The following POLR2B variants were observed in gnomAD, a reference collection of about 807,000 sequenced individuals.
The protein encoded by POLR2B is DNA-directed RNA polymerase II subunit RPB2.
POLR2B carries 57 observed loss-of-function variants against 144.6 expected under a neutral mutation model. The observed-to-expected ratio is 0.39, with a 90% CI of 0.32 to 0.49. The LOEUF is 0.49. Among genes scored for constraint, POLR2B ranks in the 20% least tolerant of loss-of-function variants. The pLI, the probability that POLR2B is intolerant of heterozygous loss-of-function variation, is 0.83. For missense variants in POLR2B, 595 were observed against 1,467.4 expected, an observed-to-expected ratio of 0.41 and a Z score of 9.71; for synonymous variants, 442 against 469.8, an observed-to-expected ratio of 0.94 and a Z score of 0.77.
chr4:57,003,092 A>T (rs1451947953), intron 7 of POLR2B, among the ~76,000 whole-genome samples: 1 of 152,236 alleles, frequency 6.6e-6, no homozygotes, highest in Non-Finnish European at 1.5e-5. Flanking sequence ...GAGGCCACAG[A>T]TAGTGGCAGG....
Position 57,023,220 on chromosome 4 carries a change from C to A in POLR2B, c.2516-110C>A. On this transcript the variant is annotated intron_variant, in intron 18 of 24. Transcript: ENST00000314595. This position sits in a 1 kb window ranked among gnomAD's most constrained non-coding sequence, Gnocchi z 4.3. ...TAATATTTGGAATAAGGGTGTGATT[C>A]ATGGTATAGAGACTCCTGTGGCCTT... 1 of 944,756 alleles carries A rather than the reference C, an allele frequency of 1.1e-6. No homozygotes were observed. The highest frequency in any genetic ancestry group is 1.6e-6 in the Non-Finnish European group (1 of 617,110). 58.5% of individuals were successfully genotyped at this position (944,756 alleles called of 1,614,324 possible).
chr4:56,999,097 G>A (rs1722775811), intron 6 of POLR2B, among the ~76,000 whole-genome samples: 1 of 152,066 alleles, frequency 6.6e-6, no homozygotes, highest in Non-Finnish European at 1.5e-5. Context: ...TGTGAAAGGG[G>A]CTGTTAGTTT....
chr4:56,998,966 A>G (rs1036981851), intron 6 of POLR2B, among the ~76,000 whole-genome samples: 3 of 152,218 alleles, frequency 2.0e-5, no homozygotes, highest in African/African-American at 7.2e-5. Context: ...AGTGAAATTA[A>G]TATTGAAGCA....
At chr4:56,996,145 TGTTACTCA>T (rs1458951307) in intron 6 of POLR2B, among the ~76,000 whole-genome samples, 1 of 151,570 alleles carries the variant, frequency 6.6e-6, no homozygotes, top group Admixed American at 6.6e-5. Context: ...ATGCCAATTC[TGTTACTCA>T]GATTGCTTGA....
chr4:57,011,132 G>A, intron 13 of POLR2B, 32 bp downstream of exon 13: 1 of 1,391,654 alleles, frequency 7.2e-7, no homozygotes, highest in Non-Finnish European at 1.0e-6. Context: ...GGTGTGGACT[G>A]TGAGATTTTT....
chr4:57,027,915 T>C (rs1723777152), intron 23 of POLR2B, among the ~76,000 whole-genome samples: 1 of 152,236 alleles, frequency 6.6e-6, no homozygotes. Flanking sequence ...TTTAAATATA[T>C]CAGGAAGCTA....
chr4:57,022,553 G>T (rs1723588209), intron 18 of POLR2B, among the ~76,000 whole-genome samples: 1 of 152,088 alleles, frequency 6.6e-6, no homozygotes, highest in Non-Finnish European at 1.5e-5. Flanking sequence ...CTTCACACCT[G>T]TCCCCCTTCC....
chr4:57,014,525 C>T (rs1366538524), intron 13 of POLR2B, among the ~76,000 whole-genome samples: 3 of 85,932 alleles, frequency 3.5e-5, no homozygotes, highest in African/African-American at 9.5e-5. Context: ...TTTTTTGAGA[C>T]GGAGTCTTGC....
At position 57,017,749 on chromosome 4, in the gene POLR2B, C is replaced by G. The variant is rs748379777; in HGVS notation, c.2323+21C>G. The stretch of plus-strand genomic sequence containing the variant: ...AGCAGGTATGGTCAGTTTTGCTCTA[C>G]GTTATTTAAGATCCTTCTGTGCTTA... On this transcript the variant is annotated intron_variant, in intron 16 of 24. Coordinates refer to ENST00000314595, the MANE Select transcript of POLR2B (RefSeq NM_000938.3). This position sits in a 1 kb window ranked among gnomAD's most constrained non-coding sequence, Gnocchi z 4.8. The G allele has an allele frequency of 1.3e-6, 2 of 1,594,390 alleles. No homozygotes were observed. The highest frequency in any genetic ancestry group is 1.7e-6 in the Non-Finnish European group (2 of 1,168,710).
At chr4:56,995,706 T>C (rs1722657227) in intron 6 of POLR2B, among the ~76,000 whole-genome samples, 1 of 152,206 alleles carries the variant, frequency 6.6e-6, no homozygotes, top group Non-Finnish European at 1.5e-5. Flanking sequence ...TTCCCATGGT[T>C]GTCTGCAGGA....
intron 23 of POLR2B, 97 bp from the exon 24 acceptor site, chr4:57,030,107 C>A: frequency 1.0e-6 from 1 of 959,310 alleles, no homozygotes; most frequent in Non-Finnish European, 1.6e-6. Context: ...GCCTAGTTAT[C>A]CGTCTTTGCA....
At position 57,024,085 on chromosome 4, in the gene POLR2B, T is replaced by C. The variant is rs1323213922; in HGVS notation, c.2937T>C (p.Gly979=). ...PHAIPSRMTI[G]HLIECLQGKV... Reference sequence around the variant, plus strand: ...CCATCCCCTCTCGTATGACTATTGGTCACTTAATTGAATGCCTTCAAGGGA... The same window carrying C: ...CCATCCCCTCTCGTATGACTATTGGCCACTTAATTGAATGCCTTCAAGGGA... The change falls in exon 21 of 25, where the codon GGT becomes GGC. Residue 979 remains glycine, a synonymous_variant. Transcript: ENST00000314595. 6.3e-7 allele frequency: 1 copy of C among 1,599,042 alleles called. No individual in the cohort carries two copies. Among genetic ancestry groups the C allele is most frequent in the East Asian group, 2.2e-5 (1 of 44,650 alleles).
At chr4:57,016,759 C>A (rs1403915742) in intron 14 of POLR2B, among the ~76,000 whole-genome samples, 2 of 149,888 alleles carry the variant, frequency 1.3e-5, no homozygotes, top group African/African-American at 4.9e-5. Context: ...AAATTGCCCT[C>A]CAATGTATAC....
At position 57,023,703 on chromosome 4, in the gene POLR2B, T is replaced by C. The variant is rs748367945; in HGVS notation, c.2808T>C (p.Ala936=). 6 of 1,613,134 alleles carry C rather than the reference T, an allele frequency of 3.7e-6. No individual in the cohort carries two copies. The East Asian group carries it at 1.1e-4, about 30-fold the overall frequency. The part of the protein sequence containing the change: ...VRIPQIGDKF[A]SRHGQKGTCG... Reference sequence around the variant, plus strand: ...TTCCACAGATTGGAGACAAATTTGCTAGTCGACATGGTCAAAAGGGTACTT... The same window carrying C: ...TTCCACAGATTGGAGACAAATTTGCCAGTCGACATGGTCAAAAGGGTACTT... Residue 936 remains alanine, a synonymous_variant, in exon 20 of 25, where the codon GCT becomes GCC. Coordinates refer to ENST00000314595, the MANE Select transcript of POLR2B (RefSeq NM_000938.3). The surrounding 1 kb of genome is among the most constrained non-coding windows in gnomAD (Gnocchi z 4.3).
chr4:57,025,280 A>T, intron 22 of POLR2B, 97 bp from the exon 23 acceptor site: 1 of 915,698 alleles, frequency 1.1e-6, no homozygotes, highest in Non-Finnish European at 1.7e-6. Flanking sequence ...TCTGTGCTTT[A>T]ATTTTTATAT....
intron 10 of POLR2B, chr4:57,010,151 G>A (rs988330814): frequency 1.4e-5 from 7 of 515,138 alleles, no homozygotes; most frequent in Non-Finnish European, 2.4e-5. Flanking sequence ...TAAACAGAAT[G>A]TTTATGTGGT....
At chr4:57,012,788 C>T (rs1040724238) in intron 13 of POLR2B, among the ~76,000 whole-genome samples, 1 of 152,138 alleles carries the variant, frequency 6.6e-6, no homozygotes, top group African/African-American at 2.4e-5. Context: ...CCTCAGCCTC[C>T]TGAGTAGCTG....
chr4:57,010,214 T>C (rs1345964469), intron 10 of POLR2B, 147 bp from the exon 11 acceptor site: 1 of 696,460 alleles, frequency 1.4e-6, no homozygotes, highest in Non-Finnish European at 2.3e-6. Flanking sequence ...AGTTAAAGTG[T>C]CAAACAACAT....
chr4:56,985,280 G>A, intron 1 of POLR2B: 2 of 971,530 alleles, frequency 2.1e-6, no homozygotes, highest in Non-Finnish European at 2.4e-6. Flanking sequence ...TGTGGCCCAG[G>A]CTGGAGTGCA....
Sources: allele counts gnomAD v4.1 joint callset (sites outside exome capture counted in the v4.1 genomes callset), GRCh38; gene constraint gnomAD v4.1.1; non-coding constraint Gnocchi (gnomAD v3.1); transcripts MANE v1.5; gene names NCBI Gene and HGNC (gene_info 2026-07-23, HGNC 2026-07-21).